DENND1A: variants seen among roughly 807,000 people sequenced by gnomAD.
DENND1A encodes DENN domain containing 1A, also known as DENN domain-containing protein 1A.
A neutral mutation model predicts 113.7 loss-of-function variants in DENND1A; 51 were observed. The ratio of observed to expected loss-of-function variants is 0.45; its 90% CI spans 0.36 to 0.57. DENND1A has a LOEUF of 0.57. Ranked by LOEUF, DENND1A falls within the 20% of genes least tolerant of loss-of-function variation. The pLI is 0.00. For synonymous variants in DENND1A, 565 were observed against 570.8 expected, an observed-to-expected ratio of 0.99 and a Z score of 0.14; for missense variants, 1,258 against 1,395.9, an observed-to-expected ratio of 0.90 and a Z score of 1.57.
intron 2 of DENND1A, among the ~76,000 whole-genome samples, chr9:123,871,994 T>C (rs936707174): frequency 2.6e-5 from 4 of 152,180 alleles, no homozygotes; most frequent in Non-Finnish European, 5.9e-5. Context: ...TCATGGGACC[T>C]TGCAGGCTGA....
chr9:123,382,715 T>C, intron 23 of DENND1A, 90 bp from the exon 24 acceptor site: 1 of 1,366,936 alleles, frequency 7.3e-7, no homozygotes, highest in South Asian at 1.3e-5. Context: ...GTGCTGAATG[T>C]GTGCTGGGCC....
intron 5 of DENND1A, among the ~76,000 whole-genome samples, chr9:123,722,632 A>G (rs1424526200): frequency 6.6e-6 from 1 of 152,242 alleles, no homozygotes; most frequent in African/African-American, 2.4e-5. Flanking sequence ...ACAAGGGTCC[A>G]AAGTACAGCT....
At chr9:123,402,691 G>A in intron 21 of DENND1A, 1 of 509,310 alleles carries the variant, frequency 2.0e-6, no homozygotes, top group South Asian at 1.5e-5. Context: ...GCGGACAAAG[G>A]GAAGCAGTGC....
At chr9:123,523,921 T>G (rs2054595966) in intron 13 of DENND1A, among the ~76,000 whole-genome samples, 1 of 152,162 alleles carries the variant, frequency 6.6e-6, no homozygotes, top group Admixed American at 6.5e-5. Context: ...GACCTGAAAC[T>G]CCCTCAACAA....
chr9:123,542,400 G>A (rs1189583577), intron 13 of DENND1A, among the ~76,000 whole-genome samples: 1 of 152,154 alleles, frequency 6.6e-6, no homozygotes, highest in East Asian at 1.9e-4. Flanking sequence ...TCAAGTCAAG[G>A]GGTCTTTCAC....
chr9:123,784,882 C>T (rs1377633318), intron 3 of DENND1A, among the ~76,000 whole-genome samples: 1 of 152,100 alleles, frequency 6.6e-6, no homozygotes, highest in Non-Finnish European at 1.5e-5. Context: ...AAAAGAAGAG[C>T]CTTAAGTCAG....
chr9:123,436,968 A>G (rs1391720222), intron 19 of DENND1A, among the ~76,000 whole-genome samples: 1 of 152,206 alleles, frequency 6.6e-6, no homozygotes, highest in Non-Finnish European at 1.5e-5. Context: ...GGCTACTGAC[A>G]AAAGCATCTT....
chr9:123,856,129 G>T (rs1211545648), intron 2 of DENND1A, among the ~76,000 whole-genome samples: 1 of 152,062 alleles, frequency 6.6e-6, no homozygotes, highest in Non-Finnish European at 1.5e-5. Flanking sequence ...GATAACAAGG[G>T]AGAAAAAAAC....
intron 12 of DENND1A, among the ~76,000 whole-genome samples, chr9:123,565,612 A>C (rs1401896587): frequency 6.6e-6 from 1 of 152,206 alleles, no homozygotes; most frequent in Non-Finnish European, 1.5e-5. Flanking sequence ...GTAGGCATCA[A>C]GGCTTTTTTC....
chr9:123,903,396 G>A (rs894057879), intron 1 of DENND1A, among the ~76,000 whole-genome samples: 25 of 149,250 alleles, frequency 1.7e-4, no homozygotes, highest in East Asian at 9.9e-4. Flanking sequence ...GAACAGCCCC[G>A]GTATACAGCT....
At chr9:123,748,262 C>T (rs1589920071) in intron 5 of DENND1A, among the ~76,000 whole-genome samples, 1 of 152,298 alleles carries the variant, frequency 6.6e-6, no homozygotes, top group African/African-American at 2.4e-5. Context: ...GGGAAGGAAA[C>T]ACCCTTAGTC....
intron 5 of DENND1A, among the ~76,000 whole-genome samples, chr9:123,736,150 T>C (rs1255223710): frequency 9.2e-5 from 14 of 152,238 alleles, no homozygotes; most frequent in Admixed American, 9.2e-4. Context: ...TTTGTCTTTA[T>C]CAAGGCTAAA....
chr9:123,549,228 C>A (rs959513757), intron 13 of DENND1A, among the ~76,000 whole-genome samples: 1 of 152,124 alleles, frequency 6.6e-6, no homozygotes, highest in South Asian at 2.1e-4. Flanking sequence ...CCCTTCCAGG[C>A]GTCATGCAGT....
intron 13 of DENND1A, among the ~76,000 whole-genome samples, chr9:123,513,975 C>T (rs903570323): frequency 6.6e-6 from 1 of 151,966 alleles, no homozygotes; most frequent in African/African-American, 2.4e-5. Flanking sequence ...CAGATTAGAA[C>T]ATGAGGGAAG....
intron 13 of DENND1A, among the ~76,000 whole-genome samples, chr9:123,465,029 C>T (rs1036869497): frequency 2.1e-5 from 3 of 139,904 alleles, no homozygotes; most frequent in Non-Finnish European, 3.1e-5. Context: ...ATTAGCCAGG[C>T]GTGGTGGTGC....
intron 13 of DENND1A, among the ~76,000 whole-genome samples, chr9:123,505,325 A>G (rs1256622207): frequency 6.6e-6 from 1 of 152,248 alleles, no homozygotes. Flanking sequence ...GTAAACAGAT[A>G]TACCTTGGAG....
chr9:123,433,681 C>A (rs978585511), intron 19 of DENND1A, among the ~76,000 whole-genome samples: 1 of 152,086 alleles, frequency 6.6e-6, no homozygotes. Context: ...AAAAAAACAA[C>A]AACACATAAT....
intron 2 of DENND1A, among the ~76,000 whole-genome samples, chr9:123,800,166 G>A (rs1230567653): frequency 6.6e-6 from 1 of 152,180 alleles, no homozygotes; most frequent in African/African-American, 2.4e-5. Context: ...TTTTGCTAAT[G>A]ATCTGTAAAC....
At chr9:123,510,917 G>A (rs1588910931) in intron 13 of DENND1A, among the ~76,000 whole-genome samples, 1 of 152,358 alleles carries the variant, frequency 6.6e-6, no homozygotes, top group East Asian at 1.9e-4. Context: ...AGCCTCATGG[G>A]AGGATGTTGT....
Sources: gnomAD v4.1 joint callset for allele counts (sites outside exome capture counted in the v4.1 genomes callset) on GRCh38, gnomAD v4.1.1 for gene constraint, MANE v1.5 for transcripts, NCBI Gene and HGNC (gene_info 2026-07-23, HGNC 2026-07-21) for gene names.